The following ERBIN variants were observed in gnomAD, a reference collection of about 807,000 sequenced individuals.
ERBIN encodes erbb2 interacting protein, also known as densin-180-like protein.
ERBIN carries 60 observed loss-of-function variants against 158.4 expected under a neutral mutation model. That is an observed-to-expected ratio of 0.38 (90% confidence interval 0.31 to 0.47). ERBIN has a LOEUF of 0.47. Ranked by LOEUF, ERBIN falls within the 20% of genes least tolerant of loss-of-function variation. The pLI, the probability that ERBIN is intolerant of heterozygous loss-of-function variation, is 0.99. For synonymous variants in ERBIN, 594 were observed against 557.2 expected (o/e 1.07, Z -0.93); for missense variants, 1,610 against 1,648.0 (o/e 0.98, Z 0.40).
chr5:66,027,334 G>C (rs548169939), intron 13 of ERBIN, among the ~76,000 whole-genome samples: 1 of 151,846 alleles, frequency 6.6e-6, no homozygotes, highest in African/African-American at 2.4e-5. Context: ...TAATTCCTAC[G>C]GCCCACAGTG....
Position 66,044,887 on chromosome 5 carries a change from T to C in ERBIN, c.1602+577T>C, listed in dbSNP as rs149452532. Among the ~76,000 whole-genome samples the C allele has an allele frequency of 1.7e-4, 26 of 151,662 alleles. 2 individuals carry two copies. In the East Asian group the frequency reaches 4.9e-3, roughly 28 times the overall value. On this transcript the variant is annotated intron_variant, in intron 17 of 25. Coordinates refer to ENST00000284037, the MANE Select transcript of ERBIN (RefSeq NM_001253697.2). ...CACCGAGGATTTGAGAACAGCCTGA[T>C]GAAGATGGTGAGACTGTTTATACAG...
intron 14 of ERBIN, among the ~76,000 whole-genome samples, chr5:66,034,766 C>T (rs1757227204): frequency 6.6e-6 from 1 of 152,066 alleles, no homozygotes. Flanking sequence ...TACTAATTTG[C>T]TCAGCAATGT....
intron 21 of ERBIN, among the ~76,000 whole-genome samples, chr5:66,064,369 A>C (rs540927788): frequency 3.3e-5 from 5 of 152,224 alleles, no homozygotes; most frequent in Non-Finnish European, 5.9e-5. Context: ...GGTATTTACA[A>C]AGTGCCAGAA....
chr5:66,073,623 A>G (rs1423128575), intron 22 of ERBIN, among the ~76,000 whole-genome samples: 2 of 152,190 alleles, frequency 1.3e-5, no homozygotes, highest in South Asian at 2.1e-4. Flanking sequence ...ACTACTTTAT[A>G]TCTTTCAGCA....
At chr5:65,977,212 CCCTCCCGG>C (rs1750022256) in intron 1 of ERBIN, among the ~76,000 whole-genome samples, 9 of 145,346 alleles carry the variant, frequency 6.2e-5, no homozygotes, top group African/African-American at 2.2e-4. Flanking sequence ...CCCCCCACCT[CCCTCCCGG>C]ATGGGGCGGC....
At chr5:65,959,743 G>A (rs985670780) in intron 1 of ERBIN, among the ~76,000 whole-genome samples, 5 of 151,730 alleles carry the variant, frequency 3.3e-5, no homozygotes, top group Non-Finnish European at 7.4e-5. Flanking sequence ...CTTTTTTTCT[G>A]TTTCAAGTGA....
intron 1 of ERBIN, among the ~76,000 whole-genome samples, chr5:65,977,105 G>A (rs1305364384): frequency 1.3e-5 from 2 of 151,186 alleles, no homozygotes; most frequent in Admixed American, 6.6e-5. Flanking sequence ...GGGCAGAGGC[G>A]CCCCTCACCT....
At chr5:65,936,186 G>A (rs956505995) in intron 1 of ERBIN, among the ~76,000 whole-genome samples, 1 of 152,122 alleles carries the variant, frequency 6.6e-6, no homozygotes, top group Non-Finnish European at 1.5e-5. Flanking sequence ...AGGAGGGTAT[G>A]TTTGTAGTAG....
At chr5:66,026,473 T>G (rs1395014312) in intron 13 of ERBIN, 56 bp downstream of exon 13, 2 of 924,214 alleles carry the variant, frequency 2.2e-6, no homozygotes, top group Non-Finnish European at 1.6e-6. Flanking sequence ...TAGATGAAAT[T>G]AAGTTTCATA....
chr5:65,935,254 A>T (rs535117468), intron 1 of ERBIN, among the ~76,000 whole-genome samples: 6 of 152,274 alleles, frequency 3.9e-5, no homozygotes, highest in Admixed American at 2.0e-4. Flanking sequence ...GGCTTAAATG[A>T]TGGGTTTATC....
intron 4 of ERBIN, among the ~76,000 whole-genome samples, chr5:65,996,226 A>AT (rs145234347): frequency 0.3 from 27,695 of 90,852 alleles, 3,436 homozygotes; most frequent in South Asian, 0.41. Flanking sequence ...CTTTTCTCCT[A>AT]TTTTTTTTTT....
chr5:66,001,188 A>C (rs901879017), intron 4 of ERBIN, among the ~76,000 whole-genome samples: 9 of 152,156 alleles, frequency 5.9e-5, no homozygotes, highest in Admixed American at 4.6e-4. Flanking sequence ...GAAATTATTA[A>C]AATTTAATAA....
chr5:65,992,585 T>G, intron 2 of ERBIN, 125 bp from the exon 3 acceptor site: 2 of 649,534 alleles, frequency 3.1e-6, no homozygotes. Flanking sequence ...GGTTCCATTG[T>G]GCTTGTATAG....
At chr5:66,074,669 G>T (rs867617432) in intron 22 of ERBIN, among the ~76,000 whole-genome samples, 1 of 152,074 alleles carries the variant, frequency 6.6e-6, no homozygotes, top group Non-Finnish European at 1.5e-5. Context: ...TAAAATTTTG[G>T]TATACTATGT....
Position 66,013,591 on chromosome 5 carries a change from G to A in ERBIN, c.429G>A (p.Leu143=), listed in dbSNP as rs1005470456. The change falls in exon 6 of 26, where the codon TTG becomes TTA. Residue 143 remains leucine (L), a synonymous_variant. Coordinates refer to ENST00000284037, the MANE Select transcript of ERBIN (RefSeq NM_001253697.2). The part of the protein sequence containing the change: ...GFSQLLNLTQ[L]YLNDAFLEFL... ...CTCAGCTGTTAAACCTAACCCAGTT[G>A]TATCTGAATGATGCTTTTCTTGAGT... 1.6e-5 allele frequency: 26 copies of A among 1,613,424 alleles called. No individual in the cohort carries two copies. The highest frequency in any genetic ancestry group is 2.2e-5 in the Non-Finnish European group (26 of 1,179,618).
At position 65,942,312 on chromosome 5, in the gene ERBIN, C is replaced by G. The variant is rs142476145; in HGVS notation, c.-58+15506C>G. Reference sequence around the variant, plus strand: ...CTGTTGGTTTTTTTTGCTTATTATACCAGCATTTTCCTAGGTATGTTCTGA... The same window carrying G: ...CTGTTGGTTTTTTTTGCTTATTATAGCAGCATTTTCCTAGGTATGTTCTGA... On this transcript the variant is annotated intron_variant, in intron 1 of 25. Coordinates refer to ENST00000284037, the MANE Select transcript of ERBIN (RefSeq NM_001253697.2). Among the ~76,000 whole-genome samples, 594 of 152,110 alleles carry G rather than the reference C, an allele frequency of 3.9e-3. 7 individuals carry two copies. The highest frequency in any genetic ancestry group is 0.014 in the African/African-American group (573 of 41,500).
intron 21 of ERBIN, among the ~76,000 whole-genome samples, chr5:66,065,183 G>T (rs1760849819): frequency 6.6e-6 from 1 of 152,286 alleles, no homozygotes; most frequent in Middle Eastern, 3.4e-3. Flanking sequence ...GCAAATTTGA[G>T]ATACAAACCA....
At position 66,053,459 on chromosome 5, in the gene ERBIN, G is replaced by C; in HGVS notation, c.2141G>C (p.Ser714Thr). The change falls in exon 21 of 26, where the codon AGT becomes ACT. Residue 714 changes from serine to threonine, a missense_variant. Around this residue, in one of 2 missense-constraint regions of ERBIN, gnomAD observed 1,014 missense variants for 936.1 expected, o/e 1.08. Transcript: ENST00000284037. ...SLLQNGDILN[S>T]STEEKFKAHD... is the part of the protein sequence containing the mutation. ...TTACAAAATGGAGATATTTTAAACA[G>C]TTCAACAGAGGAAAAGTTCAAAGCT... is the stretch of plus-strand genomic sequence containing the variant. The C allele has an allele frequency of 6.3e-7, 1 of 1,590,572 alleles. No individual in the cohort carries two copies. Among genetic ancestry groups the C allele is most frequent in the Admixed American group, 1.9e-5 (1 of 53,498 alleles).
At chr5:65,995,027 T>C (rs1253080444) in intron 4 of ERBIN, among the ~76,000 whole-genome samples, 163 bp downstream of exon 4, 1 of 152,244 alleles carries the variant, frequency 6.6e-6, no homozygotes, top group Non-Finnish European at 1.5e-5. Context: ...TGCCCGACTT[T>C]ACAAGTTTTG....
Sources: gnomAD v4.1 joint callset for allele counts (sites outside exome capture counted in the v4.1 genomes callset) on GRCh38, gnomAD v4.1.1 for gene constraint, gnomAD v4.1.1 regional missense constraint, MANE v1.5 for transcripts, NCBI Gene and HGNC (gene_info 2026-07-23, HGNC 2026-07-21) for gene names.